The following GOLGA7B variants were observed in gnomAD, a reference collection of about 807,000 sequenced individuals.
The protein encoded by GOLGA7B is golgin A7 family member B.
In GOLGA7B, 17 loss-of-function variants were observed where a neutral mutation model predicts 21.5. The observed-to-expected ratio is 0.79, with a 90% confidence interval of 0.54 to 1.19. The LOEUF is 1.19. Ranked by LOEUF, GOLGA7B falls within the 50% of genes most tolerant of loss-of-function variation. GOLGA7B has a pLI of 0.00. For missense variants in GOLGA7B, 169 were observed against 224.4 expected, an observed-to-expected ratio of 0.75 and a Z score of 1.58; for synonymous variants, 87 against 84.0, an observed-to-expected ratio of 1.04 and a Z score of -0.19.
chr10:97,865,596 A>T lies in GOLGA7B; in HGVS notation c.400A>T (p.Ile134Phe), dbSNP rs755711919. 6.2e-7 allele frequency: 1 copy of T among 1,613,298 alleles called. No individual in the cohort carries two copies. Among genetic ancestry groups the T allele is most frequent in the Admixed American group, 1.7e-5 (1 of 59,996 alleles). ...CCTTAACCACCGACCCCAGATTGAGATCTCCATCTACGAGGACCGGTGCAG... is the reference window on the plus strand; with the variant it reads ...CCTTAACCACCGACCCCAGATTGAGTTCTCCATCTACGAGGACCGGTGCAG... ...PVERGMRVIE[I>F]SIYEDRCSSG... Residue 134 changes from isoleucine (I) to phenylalanine (F), a missense_variant, in exon 5 of 5, where the codon ATC becomes TTC. Transcript: ENST00000370602.
At position 97,864,088 on chromosome 10, in the gene GOLGA7B, C is replaced by G. The variant is rs1288342976; in HGVS notation, c.291+6C>G. On this transcript the variant is annotated splice_donor_region_variant and intron_variant, in intron 3 of 4. Coordinates refer to ENST00000370602, the MANE Select transcript of GOLGA7B (RefSeq NM_001010917.3). ...TGGAGACCCACTATGAGAAGGTGGC[C>G]CCTCCCGCCCCACCGTGCATCCCTT... 5 of 1,613,756 alleles carry G rather than the reference C, an allele frequency of 3.1e-6. No homozygotes were observed. The Admixed American group carries it at 8.3e-5, about 27-fold the overall frequency.
At chr10:97,860,199 C>G (rs1488328131) in intron 2 of GOLGA7B, among the ~76,000 whole-genome samples, 1 of 152,158 alleles carries the variant, frequency 6.6e-6, no homozygotes, top group Non-Finnish European at 1.5e-5. Flanking sequence ...TATTTTGATA[C>G]AAGCATGCCA....
At chr10:97,855,524 A>G (rs767312630) in intron 1 of GOLGA7B, among the ~76,000 whole-genome samples, 4 of 152,090 alleles carry the variant, frequency 2.6e-5, no homozygotes, top group Non-Finnish European at 5.9e-5. Context: ...TCCATGGACT[A>G]TTAGAAAGAG....
chr10:97,851,247 T>A (rs1359879546), intron 1 of GOLGA7B, among the ~76,000 whole-genome samples: 18 of 152,186 alleles, frequency 1.2e-4, no homozygotes, highest in Non-Finnish European at 5.9e-5. Context: ...CCAGTTCTGA[T>A]GTTGACTTCC....
chr10:97,856,074 G>T (rs989959300), intron 1 of GOLGA7B, among the ~76,000 whole-genome samples: 5 of 152,042 alleles, frequency 3.3e-5, no homozygotes, highest in African/African-American at 1.2e-4. Context: ...ATTTTTGTTT[G>T]TTTTTAAATT....
intron 1 of GOLGA7B, among the ~76,000 whole-genome samples, chr10:97,851,639 G>A (rs1378284355): frequency 6.6e-6 from 1 of 152,236 alleles, no homozygotes; most frequent in African/African-American, 2.4e-5. Context: ...CTTCCAGATA[G>A]GGCTGCCAGA....
Position 97,859,471 on chromosome 10 carries a change from A to C in GOLGA7B, c.26A>C (p.Gln9Pro). ...ACGTCTCCTCAGGTCCACAATCTGC[A>C]GGAGCTCCGGCGAAGTGCCTCACTG... The part of the protein sequence containing the change: MATEVHNL[Q>P]ELRRSASLAT... The change falls in exon 2 of 5, where the codon CAG (glutamine) becomes CCG (proline). Residue 9 changes from glutamine (Q) to proline (P), a missense_variant. Physicochemically the swap from Gln to Pro is moderately conservative, Grantham distance 76 (BLOSUM62 -1). Coordinates refer to ENST00000370602, the MANE Select transcript of GOLGA7B (RefSeq NM_001010917.3). The C allele has an allele frequency of 6.2e-7, 1 of 1,614,124 alleles. No individual in the cohort carries two copies.
intron 2 of GOLGA7B, among the ~76,000 whole-genome samples, chr10:97,863,703 T>C (rs993624826): frequency 6.6e-6 from 1 of 152,260 alleles, no homozygotes; most frequent in Non-Finnish European, 1.5e-5. Flanking sequence ...GCTAGTTCAA[T>C]GTCACTCAGC....
chr10:97,866,756 A>C lies in GOLGA7B; in HGVS notation c.*1056A>C, dbSNP rs1423098149. ...AGTGTGAGTGCATGCATGTGCATGA[A>C]CATGTGTGCACAAGCATGTGTGTAT... On this transcript the variant is annotated 3_prime_UTR_variant, in exon 5 of 5. Transcript: ENST00000370602. 6.6e-6 allele frequency: 1 copy of C among 152,178 alleles called. No individual in the cohort carries two copies. Among genetic ancestry groups the C allele is most frequent in the Admixed American group, 6.5e-5 (1 of 15,282 alleles). The allele number at this position is 152,178 out of a possible 1,614,324, so 9.4% of individuals were successfully genotyped here.
rs968084680 is a variant in GOLGA7B, at chr10:97,869,528, T to A, written c.*3828T>A. On this transcript the variant is annotated 3_prime_UTR_variant, in exon 5 of 5. Transcript: ENST00000370602. ...CTCAGGAAGCTCCTGCTGCACATGC[T>A]CCTCTCCCTGCGCCAGCACCCTGCT... 14 of 152,546 alleles carry A rather than the reference T, an allele frequency of 9.2e-5. No homozygotes were observed. Among genetic ancestry groups the A allele is most frequent in the Admixed American group, 9.2e-4 (14 of 15,288 alleles). 9.4% of individuals were successfully genotyped at this position (152,546 alleles called of 1,614,324 possible). A position where few individuals can be genotyped will look rare whatever the true frequency, so the allele number is the denominator to read the frequency against.
At position 97,865,718 on chromosome 10, in the gene GOLGA7B, T is replaced by A. The variant is rs1374465195; in HGVS notation, c.*18T>A. 2 of 1,593,536 alleles carry A rather than the reference T, an allele frequency of 1.3e-6. No individual in the cohort carries two copies. The highest frequency in any genetic ancestry group is 1.3e-5 in the African/African-American group (1 of 74,504). On this transcript the variant is annotated 3_prime_UTR_variant, in exon 5 of 5. Transcript: ENST00000370602. ...CCCGGTGACTGGCCGAGAGTCCCTG[T>A]AGGGAGGTGTATGGCCGGAGTGAGG...
chr10:97,857,922 C>T (rs548681050), intron 1 of GOLGA7B, among the ~76,000 whole-genome samples: 7 of 152,294 alleles, frequency 4.6e-5, no homozygotes, highest in Middle Eastern at 3.4e-3. Flanking sequence ...ATCTGTCATC[C>T]TAAATCCTCC....
chr10:97,857,827 A>T (rs2049945986), intron 1 of GOLGA7B, among the ~76,000 whole-genome samples: 1 of 152,216 alleles, frequency 6.6e-6, no homozygotes, highest in South Asian at 2.1e-4. Flanking sequence ...ATGGAACAGA[A>T]CACAGAACCC....
intron 2 of GOLGA7B, among the ~76,000 whole-genome samples, chr10:97,859,792 G>A (rs2049959501): frequency 6.6e-6 from 1 of 152,120 alleles, no homozygotes; most frequent in Admixed American, 6.5e-5. Context: ...AGAGCTGAAG[G>A]GATCTCAGGG....
chr10:97,860,549 T>C (rs1267150168), intron 2 of GOLGA7B, among the ~76,000 whole-genome samples: 1 of 152,130 alleles, frequency 6.6e-6, no homozygotes, highest in Admixed American at 6.5e-5. Flanking sequence ...GACGGGGTTT[T>C]GCCATGTTGC....
chr10:97,850,320 G>A lies in GOLGA7B; in HGVS notation c.12+5G>A. 1 of 1,511,204 alleles carries A rather than the reference G, an allele frequency of 6.6e-7. No homozygotes were observed. The highest frequency in any genetic ancestry group is 1.2e-5 in the South Asian group (1 of 81,016). The allele number at this position is 1,511,204 out of a possible 1,614,324, so 93.6% of individuals were successfully genotyped here. On this transcript the variant is annotated splice_donor_5th_base_variant and intron_variant, in intron 1 of 4. Transcript: ENST00000370602. Reference sequence around the variant, plus strand: ...CCCCGGATCATGGCCACCGAGGTAGGGGCGAGCGCCCCACCCGCAGGCAGT... The same window carrying A: ...CCCCGGATCATGGCCACCGAGGTAGAGGCGAGCGCCCCACCCGCAGGCAGT...
At chr10:97,861,777 G>A (rs1366858904) in intron 2 of GOLGA7B, among the ~76,000 whole-genome samples, 1 of 152,188 alleles carries the variant, frequency 6.6e-6, no homozygotes, top group African/African-American at 2.4e-5. Flanking sequence ...AGAGAATGTG[G>A]GCCTCTTTCT....
Position 97,850,352 on chromosome 10 carries a change from T to C in GOLGA7B, c.12+37T>C, listed in dbSNP as rs111519319. On this transcript the variant is annotated intron_variant, in intron 1 of 4. Coordinates refer to ENST00000370602, the MANE Select transcript of GOLGA7B (RefSeq NM_001010917.3). ...CGCCCCACCCGCAGGCAGTGCCCGA[T>C]TGCCGCGGGACCAAATGCCCTAGGG... The C allele has an allele frequency of 8.4e-3, 12,654 of 1,505,586 alleles. 66 individuals carry two copies. The highest frequency in any genetic ancestry group is 0.014 in the Middle Eastern group (75 of 5,384). 93.3% of individuals were successfully genotyped at this position (1,505,586 alleles called of 1,614,324 possible).
rs1173964124 is a variant in GOLGA7B, at chr10:97,859,450, C to T, written c.13-8C>T. The T allele has an allele frequency of 1.9e-6, 3 of 1,613,848 alleles. No homozygotes were observed. Among genetic ancestry groups the T allele is most frequent in the Non-Finnish European group, 2.5e-6 (3 of 1,179,904 alleles). On this transcript the variant is annotated splice_polypyrimidine_tract_variant and splice_region_variant and intron_variant, in intron 1 of 4. Transcript: ENST00000370602. Reference sequence around the variant, plus strand: ...CTCTCAGCACATGCCGCCCGCACGTCTCCTCAGGTCCACAATCTGCAGGAG... The same window carrying T: ...CTCTCAGCACATGCCGCCCGCACGTTTCCTCAGGTCCACAATCTGCAGGAG...
Sources: gnomAD v4.1 joint callset for allele counts (sites outside exome capture counted in the v4.1 genomes callset) on GRCh38, gnomAD v4.1.1 for gene constraint, MANE v1.5 for transcripts, NCBI Gene and HGNC (gene_info 2026-07-23, HGNC 2026-07-21) for gene names.